CCNB1IP1: variants seen among roughly 807,000 people sequenced by gnomAD.
CCNB1IP1 encodes E3 ubiquitin-protein ligase CCNB1IP1.
In CCNB1IP1, 14 loss-of-function variants were observed where a neutral mutation model predicts 25.6. The ratio of observed to expected loss-of-function variants is 0.55; its 90% CI spans 0.36 to 0.85. The LOEUF is 0.85. CCNB1IP1 is among the 40% of genes least tolerant of loss of function. CCNB1IP1 has a pLI of 0.01. For missense variants in CCNB1IP1, 278 were observed against 342.4 expected, an observed-to-expected ratio of 0.81 and a Z score of 1.48; for synonymous variants, 119 against 116.1, an observed-to-expected ratio of 1.02 and a Z score of -0.16.
At chr14:20,328,372 AAT>A (rs1356570107) in intron 2 of CCNB1IP1, among the ~76,000 whole-genome samples, 2 of 152,226 alleles carry the variant, frequency 1.3e-5, no homozygotes, top group African/African-American at 4.8e-5. Flanking sequence ...AAGCATTTTA[AAT>A]ATCTCAGACA....
chr14:20,316,424 C>A lies in CCNB1IP1; in HGVS notation c.100G>T (p.Asp34Tyr). 6.2e-7 allele frequency: 1 copy of A among 1,614,006 alleles called. No individual in the cohort carries two copies. Among genetic ancestry groups the A allele is most frequent in the Non-Finnish European group, 8.5e-7 (1 of 1,179,950 alleles). ...CTAAACTCACCACTGCCATGCTGAT[C>A]ACAGAAGATGTGAGAGCAGGCAGTG... ...WVTACSHIFCDQHGSGEFSRS... is the reference protein window; with the variant it reads ...WVTACSHIFCYQHGSGEFSRS... Residue 34 changes from aspartate (D) to tyrosine (Y), a missense_variant, in exon 5 of 7, where the codon GAT becomes TAT. Physicochemically the swap from Asp to Tyr is radical, Grantham distance 160. Transcript: ENST00000358932.
chr14:20,323,651 G>A (rs1431746460), intron 4 of CCNB1IP1, among the ~76,000 whole-genome samples: 2 of 151,890 alleles, frequency 1.3e-5, no homozygotes, highest in African/African-American at 2.4e-5. Flanking sequence ...ACTAGAGGCC[G>A]GGCGTGGTGG....
intron 1 of CCNB1IP1, among the ~76,000 whole-genome samples, chr14:20,331,233 C>A (rs958199278): frequency 2.0e-5 from 3 of 152,186 alleles, no homozygotes; most frequent in African/African-American, 7.2e-5. Context: ...TGAAAGCATG[C>A]CCTTTCTGCC....
At chr14:20,320,396 G>C (rs1035544529) in intron 4 of CCNB1IP1, 20 of 449,788 alleles carry the variant, frequency 4.4e-5, no homozygotes, top group Non-Finnish European at 8.9e-5. Context: ...AACATTCCTA[G>C]GTTATATTTA....
At chr14:20,321,087 A>G (rs1882880134) in intron 4 of CCNB1IP1, among the ~76,000 whole-genome samples, 1 of 151,714 alleles carries the variant, frequency 6.6e-6, no homozygotes, top group Non-Finnish European at 1.5e-5. Context: ...CAGTGAGCCG[A>G]GATCACACCA....
chr14:20,311,562 T>G lies in CCNB1IP1; in HGVS notation c.822A>C (p.Val274=). 6.2e-7 allele frequency: 1 copy of G among 1,613,166 alleles called. No homozygotes were observed. The highest frequency in any genetic ancestry group is 8.5e-7 in the Non-Finnish European group (1 of 1,179,836). Residue 274 remains valine, a synonymous_variant, in exon 7 of 7, where the codon GTA becomes GTC. Transcript: ENST00000358932. ...CACTATGCGTGGCTCAAATTCTTTT[T>G]ACTTTGAAGGCCCTGCTAGAAACTT... ...QQQVSSRAFK[V]KRI
Position 20,317,608 on chromosome 14 carries a change from T to C in CCNB1IP1, c.-37-1048A>G, listed in dbSNP as rs546218322. On this transcript the variant is annotated intron_variant, in intron 4 of 6. Transcript: ENST00000358932. The stretch of plus-strand genomic sequence containing the variant: ...GGAAGCTTTAAAGCTGAGCCCTCTC[T>C]CACGCAGCAGAGGCGCAGCTAATTC... The C allele has an allele frequency of 3.3e-5, 5 of 152,308 alleles. 1 individual carries two copies. The East Asian group carries it at 7.7e-4, about 23-fold the overall frequency. 9.4% of individuals were successfully genotyped at this position (152,308 alleles called of 1,614,324 possible).
intron 4 of CCNB1IP1, chr14:20,323,253 T>C (rs1398581361): frequency 6.6e-6 from 1 of 152,146 alleles, no homozygotes; most frequent in African/African-American, 2.4e-5. Context: ...TGAGTGAAGA[T>C]AAGCCATTTT....
chr14:20,332,021 TA>T (rs1327189918), intron 1 of CCNB1IP1, among the ~76,000 whole-genome samples: 2,250 of 57,758 alleles, frequency 0.039, 84 homozygotes, highest in Non-Finnish European at 0.056. Context: ...TATATATATA[TA>T]TATATTTTTT....
chr14:20,333,019 G>A (rs1883299021), intron 1 of CCNB1IP1: 1 of 152,176 alleles, frequency 6.6e-6, no homozygotes, highest in Non-Finnish European at 1.5e-5. Flanking sequence ...TTGTTCCTGG[G>A]TCACCAGGAC....
chr14:20,315,032 A>G (rs1276546756), intron 5 of CCNB1IP1, among the ~76,000 whole-genome samples: 1 of 142,518 alleles, frequency 7.0e-6, no homozygotes, highest in African/African-American at 2.6e-5. Flanking sequence ...CAGAGCTTGC[A>G]GTGAGCTGAG....
In CCNB1IP1 at chr14:20,311,419, CTG is replaced by C. The variant is rs1882473793; in HGVS notation, c.*129_*130del. 3 of 695,462 alleles carry C rather than the reference CTG, an allele frequency of 4.3e-6. No individual in the cohort carries two copies. Among genetic ancestry groups the C allele is most frequent in the Non-Finnish European group, 7.5e-6 (3 of 398,146 alleles). 43.1% of individuals were successfully genotyped at this position (695,462 alleles called of 1,614,324 possible). On this transcript the variant is annotated 3_prime_UTR_variant, in exon 7 of 7. Transcript: ENST00000358932. ...TTTTTTTTAGAAACAGGGTCTCACT[CTG>C]TTGCCCAGGCTGGAGTGCAGTGGCA...
intron 4 of CCNB1IP1, among the ~76,000 whole-genome samples, chr14:20,324,887 C>G (rs745594566): frequency 2.0e-5 from 3 of 152,062 alleles, no homozygotes; most frequent in Non-Finnish European, 4.4e-5. Context: ...GTTGCGCTCT[C>G]TCTGCTTACT....
At chr14:20,315,962 A>AAG (rs74717577) in intron 5 of CCNB1IP1, 4 of 463,786 alleles carry the variant, frequency 8.6e-6, no homozygotes, top group East Asian at 4.2e-5. Context: ...TTTTATACAG[A>AAG]AGAGAGAGAG....
chr14:20,319,342 C>G (rs1166012811), intron 4 of CCNB1IP1, among the ~76,000 whole-genome samples: 1 of 152,018 alleles, frequency 6.6e-6, no homozygotes, highest in East Asian at 1.9e-4. Flanking sequence ...TAAACCAGTT[C>G]CAAAAAAAGG....
chr14:20,326,495 C>A (rs768717865), intron 3 of CCNB1IP1: 2 of 534,628 alleles, frequency 3.7e-6, no homozygotes, highest in Non-Finnish European at 7.7e-6. Context: ...AGCTGAAACA[C>A]GGACTTAACA....
intron 4 of CCNB1IP1, among the ~76,000 whole-genome samples, chr14:20,319,537 C>G (rs2138855321): frequency 6.6e-6 from 1 of 152,312 alleles, no homozygotes; most frequent in East Asian, 1.9e-4. Flanking sequence ...GTGATCCTAG[C>G]CAATTCCCTT....
intron 2 of CCNB1IP1, among the ~76,000 whole-genome samples, chr14:20,328,351 G>T (rs1883139086): frequency 6.6e-6 from 1 of 152,144 alleles, no homozygotes. Context: ...CAGTAGGTTG[G>T]AAAGAAACTG....
chr14:20,315,337 TATA>T (rs1260352462), intron 5 of CCNB1IP1: 5 of 275,188 alleles, frequency 1.8e-5, no homozygotes, highest in African/African-American at 4.7e-5. Context: ...CTGCTGGCAA[TATA>T]AAATGGTATA....
Sources: allele counts gnomAD v4.1 joint callset (sites outside exome capture counted in the v4.1 genomes callset), GRCh38; gene constraint gnomAD v4.1.1; transcripts MANE v1.5; gene names NCBI Gene and HGNC (gene_info 2026-07-23, HGNC 2026-07-21).